Variants in ALDH3B2 observed in about 807,000 individuals in gnomAD.
ALDH3B2 encodes the protein aldehyde dehydrogenase family 3 member B2.
In ALDH3B2, 45 loss-of-function variants were observed where a neutral mutation model predicts 36.7. The ratio of observed to expected loss-of-function variants is 1.23; its 90% CI spans 0.97 to 1.57. The LOEUF (loss-of-function observed/expected upper bound fraction) is 1.57. Among genes scored for constraint, ALDH3B2 ranks in the 40% most tolerant of loss-of-function variants. ALDH3B2 has a pLI of 0.00. For missense variants in ALDH3B2, 464 were observed against 513.3 expected (o/e 0.90, Z 0.93); for synonymous variants, 217 against 226.5 (o/e 0.96, Z 0.38).
chr11:67,675,817 T>C (rs777034032), upstream of ALDH3B2, among the ~76,000 whole-genome samples: 2 of 152,246 alleles, frequency 1.3e-5, no homozygotes, highest in Non-Finnish European at 2.9e-5. Flanking sequence ...TTGTACACTG[T>C]AAATGGGTGA....
chr11:67,666,026 C>G, intron 6 of ALDH3B2, 96 bp downstream of exon 6: 3 of 1,462,584 alleles, frequency 2.1e-6, no homozygotes, highest in Admixed American at 1.7e-5. Context: ...CACGTGCCCC[C>G]ACTGCTGGCC....
At chr11:67,678,473 G>A (rs780522939), upstream of ALDH3B2, among the ~76,000 whole-genome samples, 24 of 152,044 alleles carry the variant, frequency 1.6e-4, no homozygotes, top group Admixed American at 1.3e-4. Flanking sequence ...ATCAACTCAG[G>A]ATGGATTAAG....
At chr11:67,674,850 G>A (rs932137191), upstream of ALDH3B2, 54 of 152,426 alleles carry the variant, frequency 3.5e-4, no homozygotes, top group African/African-American at 1.2e-3. Context: ...TGGGCTAGCA[G>A]GGAGTTACCT....
chr11:67,676,968 C>T (rs572891966), upstream of ALDH3B2, among the ~76,000 whole-genome samples: 1 of 151,800 alleles, frequency 6.6e-6, no homozygotes, highest in South Asian at 2.1e-4. Flanking sequence ...TTTAAAATTA[C>T]CAACAAAAAA....
At chr11:67,670,356 A>G (rs901132209) in intron 1 of ALDH3B2, among the ~76,000 whole-genome samples, 3 of 151,432 alleles carry the variant, frequency 2.0e-5, no homozygotes, top group Non-Finnish European at 2.9e-5. Context: ...GTCTGTGTCC[A>G]TGTGTGTCGT....
At position 67,666,036 on chromosome 11, in the gene ALDH3B2, C is replaced by T. The variant is rs928650067; in HGVS notation, c.319+86G>A. The T allele has an allele frequency of 5.9e-6, 9 of 1,524,596 alleles. No homozygotes were observed. The African/African-American group carries it at 1.1e-4, about 19-fold the overall frequency. 94.4% of individuals were successfully genotyped at this position (1,524,596 alleles called of 1,614,324 possible). On this transcript the variant is annotated intron_variant, in intron 6 of 9. Transcript: ENST00000349015. ...CTCCCCACGTGCCCCCACTGCTGGC[C>T]CCAGCCTCCTCCCTCCACAACCCTC... is the stretch of plus-strand genomic sequence containing the variant.
intron 4 of ALDH3B2, 30 bp downstream of exon 4, chr11:67,666,543 GA>G: frequency 6.2e-7 from 1 of 1,613,326 alleles, no homozygotes. Flanking sequence ...ACTGGGCGGG[GA>G]GAGCATGGGG....
exon 4 of ALDH3B2, chr11:67,666,686 C>T: frequency 6.2e-7 from 1 of 1,614,152 alleles, no homozygotes; most frequent in Non-Finnish European, 8.5e-7. Context: ...CCGAGTCCAG[C>T]TTCATGAACT....
intron 1 of ALDH3B2, among the ~76,000 whole-genome samples, chr11:67,672,100 T>TATA (rs1395112884): frequency 2.3e-5 from 1 of 44,202 alleles, no homozygotes; most frequent in African/African-American, 7.6e-5. Flanking sequence ...TATGTATGTA[T>TATA]TTTGTGTGTG....
upstream of ALDH3B2, among the ~76,000 whole-genome samples, chr11:67,677,642 C>T (rs903267726): frequency 1.6e-4 from 24 of 152,182 alleles, no homozygotes; most frequent in East Asian, 5.8e-4. Context: ...GCATCTGAAT[C>T]GATAAAGAGG....
At position 67,666,210 on chromosome 11, in the gene ALDH3B2, G is replaced by A; in HGVS notation, c.238-7C>T. ...GCACCACGGCAAAGCAGCTCTGCAA[G>A]GTGGAATGAGAGGCTCGGGGCGGGC... On this transcript the variant is annotated splice_region_variant and splice_polypyrimidine_tract_variant and intron_variant, in intron 5 of 9. Coordinates refer to ENST00000349015, the Ensembl canonical transcript of ALDH3B2. 6.2e-7 allele frequency: 1 copy of A among 1,609,124 alleles called. No individual in the cohort carries two copies. Among genetic ancestry groups the A allele is most frequent in the Non-Finnish European group, 8.5e-7 (1 of 1,179,016 alleles).
At chr11:67,678,580 G>T (rs1253748038), upstream of ALDH3B2, among the ~76,000 whole-genome samples, 1 of 151,136 alleles carries the variant, frequency 6.6e-6, no homozygotes, top group Non-Finnish European at 1.5e-5. Flanking sequence ...CATGACCAAA[G>T]AAACTATGAT....
chr11:67,666,773 C>A (rs1855932342), intron 3 of ALDH3B2, 79 bp from the exon 4 acceptor site: 1 of 1,608,414 alleles, frequency 6.2e-7, no homozygotes, highest in Non-Finnish European at 8.5e-7. Context: ...GGCCTCAGCT[C>A]CCTGTGCGAT....
At chr11:67,666,612 T>C (rs964503981) in exon 4 of ALDH3B2, 6 of 1,613,552 alleles carry the variant, frequency 3.7e-6, no homozygotes, top group Admixed American at 3.3e-5. Context: ...CAGGGTCAGG[T>C]TCAGTGGGTA....
chr11:67,674,986 T>C (rs114619018), upstream of ALDH3B2, among the ~76,000 whole-genome samples: 309 of 152,232 alleles, frequency 2.0e-3, no homozygotes, highest in African/African-American at 7.3e-3. Flanking sequence ...ATGCCCCCCA[T>C]GGCCCCTCCT....
In ALDH3B2 at chr11:67,666,862, C is replaced by A. The variant is rs371195464; in HGVS notation, c.30+44G>T. On this transcript the variant is annotated intron_variant, in intron 3 of 9. Transcript: ENST00000349015. ...GAAGGGGGCCTGGGCCAGAGCTACC[C>A]GGTGCCCTGCCCTGCCCTCCTGCCG... 1.6e-4 allele frequency: 259 copies of A among 1,613,990 alleles called. 1 individual carries two copies. In the South Asian group the frequency reaches 2.7e-3, roughly 17 times the overall value.
chr11:67,675,703 C>G (rs1856254231), upstream of ALDH3B2, among the ~76,000 whole-genome samples: 1 of 152,180 alleles, frequency 6.6e-6, no homozygotes, highest in Admixed American at 6.5e-5. Flanking sequence ...CAGGAAGGGA[C>G]CTCGGGATGG....
chr11:67,680,428 T>C (rs1856349327), intron 1 of ALDH3B2, among the ~76,000 whole-genome samples: 1 of 152,238 alleles, frequency 6.6e-6, no homozygotes, highest in African/African-American at 2.4e-5. Flanking sequence ...CAAATTATTA[T>C]CATTATGATT....
At chr11:67,670,942 C>CT (rs1180048828) in intron 1 of ALDH3B2, 1 of 152,276 alleles carries the variant, frequency 6.6e-6, no homozygotes, top group Non-Finnish European at 1.5e-5. Flanking sequence ...CGGTATTGGC[C>CT]TGGAGCGCTT....
Sources: gnomAD v4.1 joint callset for allele counts (sites outside exome capture counted in the v4.1 genomes callset) on GRCh38, gnomAD v4.1.1 for gene constraint, MANE v1.5 for transcripts, NCBI Gene and HGNC (gene_info 2026-07-23, HGNC 2026-07-21) for gene names.